Variants in LPP observed in about 807,000 individuals in gnomAD.
LPP encodes LIM domain containing preferred translocation partner in lipoma, also known as lipoma-preferred partner.
In LPP, 38 loss-of-function variants were observed where a neutral mutation model predicts 60.4. The ratio of observed to expected loss-of-function variants is 0.63; its 90% CI spans 0.49 to 0.83. LPP has a LOEUF of 0.83. Ranked by LOEUF, LPP falls within the 40% of genes least tolerant of loss-of-function variation. The pLI, the probability that LPP is intolerant of heterozygous loss-of-function variation, is 0.00. For synonymous variants in LPP, 328 were observed against 290.8 expected (o/e 1.13, Z -1.30); for missense variants, 902 against 783.6 (o/e 1.15, Z -1.80).
chr3:188,158,307 T>C (rs1410343482), intron 1 of LPP, among the ~76,000 whole-genome samples: 1 of 152,118 alleles, frequency 6.6e-6, no homozygotes, highest in Non-Finnish European at 1.5e-5. Context: ...GATATAATCA[T>C]GTTGATGCAT....
At chr3:188,379,979 T>A (rs1399556585) in intron 3 of LPP, among the ~76,000 whole-genome samples, 3 of 152,170 alleles carry the variant, frequency 2.0e-5, no homozygotes, top group Non-Finnish European at 4.4e-5. Context: ...TTATGAATGC[T>A]TGGACTTTTT....
At chr3:188,577,648 A>G (rs950787747) in intron 6 of LPP, among the ~76,000 whole-genome samples, 4 of 151,900 alleles carry the variant, frequency 2.6e-5, no homozygotes, top group African/African-American at 7.2e-5. Context: ...AGTAATAAAT[A>G]TCTACAAAGG....
At chr3:188,815,863 G>C (rs1472080286) in intron 9 of LPP, among the ~76,000 whole-genome samples, 1 of 152,198 alleles carries the variant, frequency 6.6e-6, no homozygotes, top group Non-Finnish European at 1.5e-5. Context: ...TGGACTGCAG[G>C]CAGGTTCTCC....
At chr3:188,874,325 G>T in intron 11 of LPP, 26 bp from the exon 12 acceptor site, 1 of 1,596,152 alleles carries the variant, frequency 6.3e-7, no homozygotes, top group Admixed American at 1.7e-5. Context: ...TACTTATGTC[G>T]TTTCCATCTG....
At chr3:188,810,469 A>G (rs1195539714) in intron 9 of LPP, among the ~76,000 whole-genome samples, 2 of 150,324 alleles carry the variant, frequency 1.3e-5, no homozygotes, top group East Asian at 3.9e-4. Context: ...AAGAGAGAGA[A>G]AGAGAGAGAG....
At chr3:188,319,758 A>G (rs1756388844) in intron 2 of LPP, among the ~76,000 whole-genome samples, 1 of 152,246 alleles carries the variant, frequency 6.6e-6, no homozygotes, top group African/African-American at 2.4e-5. Flanking sequence ...TGTTTAAGCA[A>G]AGAAATTATC....
At chr3:188,751,705 A>G (rs1174312780) in intron 8 of LPP, among the ~76,000 whole-genome samples, 1 of 152,154 alleles carries the variant, frequency 6.6e-6, no homozygotes, top group Non-Finnish European at 1.5e-5. Context: ...CAAGGCACAT[A>G]ATCTCTTTAT....
At chr3:188,198,318 T>G (rs1730107090) in intron 1 of LPP, among the ~76,000 whole-genome samples, 1 of 152,238 alleles carries the variant, frequency 6.6e-6, no homozygotes, top group Non-Finnish European at 1.5e-5. Context: ...TTTGAAATGA[T>G]AGAAACTTTC....
intron 1 of LPP, among the ~76,000 whole-genome samples, 91 bp downstream of exon 1, chr3:188,154,343 T>G (rs1297763410): frequency 1.3e-5 from 2 of 151,770 alleles, no homozygotes; most frequent in Admixed American, 1.3e-4. Context: ...GCCTCCGGGG[T>G]GGCAAGAGCG....
intron 2 of LPP, among the ~76,000 whole-genome samples, chr3:188,308,034 G>A (rs887464680): frequency 2.0e-5 from 3 of 152,104 alleles, no homozygotes; most frequent in Non-Finnish European, 2.9e-5. Context: ...ACAGAGCTAG[G>A]AATAACAGGT....
chr3:188,334,422 C>CTTTTTTTTT (rs71167095), intron 2 of LPP, among the ~76,000 whole-genome samples: 3 of 98,668 alleles, frequency 3.0e-5, no homozygotes, highest in Non-Finnish European at 5.7e-5. Context: ...ATATTTCTTT[C>CTTTTTTTTT]TTTTTTTTTT....
intron 7 of LPP, among the ~76,000 whole-genome samples, chr3:188,623,205 G>A (rs1846142755): frequency 6.6e-6 from 1 of 151,082 alleles, no homozygotes; most frequent in African/African-American, 2.4e-5. Context: ...TTTCCTGTAT[G>A]TGTTGCCTTC....
chr3:188,541,745 A>C, intron 6 of LPP, among the ~76,000 whole-genome samples: 1 of 152,066 alleles, frequency 6.6e-6, no homozygotes, highest in East Asian at 1.9e-4. Context: ...AAAAATACAA[A>C]AATTAGCTGT....
chr3:188,612,295 C>T (rs375446231), intron 7 of LPP, among the ~76,000 whole-genome samples: 34 of 152,176 alleles, frequency 2.2e-4, no homozygotes, highest in Admixed American at 9.8e-4. Flanking sequence ...AAATTCTGGG[C>T]GCGTTGTGAG....
chr3:188,633,758 T>A (rs547924920), intron 7 of LPP, among the ~76,000 whole-genome samples: 135 of 152,374 alleles, frequency 8.9e-4, no homozygotes, highest in African/African-American at 3.1e-3. Flanking sequence ...ATATCATCTA[T>A]ATATCATTCA....
intron 3 of LPP, among the ~76,000 whole-genome samples, chr3:188,403,819 G>T (rs1782791692): frequency 6.6e-6 from 1 of 152,086 alleles, no homozygotes; most frequent in South Asian, 2.1e-4. Flanking sequence ...GTAAAATATG[G>T]TCCCTACCCT....
At chr3:188,862,741 G>GAAAAAAAAAAAAAAAAAA (rs1560308504) in intron 9 of LPP, among the ~76,000 whole-genome samples, 1 of 105,628 alleles carries the variant, frequency 9.5e-6, no homozygotes, top group African/African-American at 3.8e-5. Context: ...ATAAATAAAA[G>GAAAAAAAAAAAAAAAAAA]AAAAAAGAAA....
At position 188,394,362 on chromosome 3, in the gene LPP, G is replaced by T. The variant is rs78981169; in HGVS notation, c.-9-11750G>T. ...GTCATAACTTTTCTGCCATGGAAGG[G>T]GCTGTCTTGTAAGGTAATGAGTTCC... On this transcript the variant is annotated intron_variant, in intron 3 of 11. Coordinates refer to ENST00000617246, the MANE Select transcript of LPP (RefSeq NM_001375462.1). 8.2e-3 allele frequency among the ~76,000 whole-genome samples: 1,252 copies of T among 152,244 alleles called. 21 individuals are homozygous for T. The highest frequency in any genetic ancestry group is 0.029 in the African/African-American group (1,210 of 41,532).
chr3:188,220,863 C>T (rs1035347474), intron 1 of LPP, among the ~76,000 whole-genome samples: 2 of 152,168 alleles, frequency 1.3e-5, no homozygotes, highest in African/African-American at 2.4e-5. Context: ...ACCTGCCCCC[C>T]GACTTCTCTG....
Sources: gnomAD v4.1 joint callset for allele counts (sites outside exome capture counted in the v4.1 genomes callset) on GRCh38, gnomAD v4.1.1 for gene constraint, MANE v1.5 for transcripts, NCBI Gene and HGNC (gene_info 2026-07-23, HGNC 2026-07-21) for gene names.